The following ACBD5 variants were observed in gnomAD, a reference collection of about 807,000 sequenced individuals.
ACBD5 encodes the protein acyl-CoA binding domain containing 5.
A neutral mutation model predicts 71.8 loss-of-function variants in ACBD5; 40 were observed. The ratio of observed to expected loss-of-function variants is 0.56; its 90% confidence interval spans 0.43 to 0.72. The LOEUF (loss-of-function observed/expected upper bound fraction) is 0.72, where lower values mean the gene tolerates loss of function less well. ACBD5 is among the 30% of genes least tolerant of loss of function. The probability of loss-of-function intolerance (pLI) is 0.00; values close to 1 mark genes in which losing one functional copy is unlikely to be tolerated. For synonymous variants in ACBD5, 229 were observed against 218.6 expected (o/e 1.05, Z -0.42); for missense variants, 559 against 644.5 (o/e 0.87, Z 1.44).
At chr10:27,238,065 C>A (rs773623994) in intron 2 of ACBD5, among the ~76,000 whole-genome samples, 17 of 152,118 alleles carry the variant, frequency 1.1e-4, no homozygotes, top group Non-Finnish European at 1.8e-4. Flanking sequence ...CCTGCCTCAG[C>A]CTCCCGAGTA....
chr10:27,205,369 C>A lies in ACBD5; in HGVS notation c.1405-121G>T, dbSNP rs1014735853. Reference sequence around the variant, plus strand: ...GGTTTTTTTTGGTTGCTTTTGTTTTCTTTATGTATAGAACAGTTGGAACGT... The same window carrying A: ...GGTTTTTTTTGGTTGCTTTTGTTTTATTTATGTATAGAACAGTTGGAACGT... On this transcript the variant is annotated intron_variant, in intron 10 of 12. Transcript: ENST00000396271. The A allele has an allele frequency of 9.2e-5, 86 of 933,080 alleles. 1 individual carries two copies. The South Asian group carries it at 1.1e-3, about 12-fold the overall frequency. 57.8% of individuals were successfully genotyped at this position (933,080 alleles called of 1,614,324 possible).
At chr10:27,189,724 CCTG>C (rs1272925218) in intron 13 of ACBD5, among the ~76,000 whole-genome samples, 2 of 150,982 alleles carry the variant, frequency 1.3e-5, no homozygotes, top group Non-Finnish European at 2.9e-5. Flanking sequence ...ATGTAACAAA[CCTG>C]CACGTTGTGC....
Position 27,189,316 on chromosome 10 carries a change from C to G in ACBD5, c.1494-6601G>C, listed in dbSNP as rs368188519. Reference sequence around the variant, plus strand: ...TGCTGGGATTACAGGCGTGAGCCACCCGGCCAGCTATATACAGTTTGTATT... The same window carrying G: ...TGCTGGGATTACAGGCGTGAGCCACGCGGCCAGCTATATACAGTTTGTATT... On this transcript the variant is annotated intron_variant, in intron 13 of 13. Transcript: ENST00000676511. 5.3e-5 allele frequency among the ~76,000 whole-genome samples: 8 copies of G among 152,284 alleles called. No individual in the cohort carries two copies. In the East Asian group the frequency reaches 1.4e-3, roughly 26 times the overall value.
chr10:27,203,631 T>G (rs2060162861), intron 12 of ACBD5, among the ~76,000 whole-genome samples: 1 of 152,058 alleles, frequency 6.6e-6, no homozygotes, highest in Admixed American at 6.6e-5. Flanking sequence ...CCCAGCTACT[T>G]GGGAGGCTGA....
intron 4 of ACBD5, among the ~76,000 whole-genome samples, chr10:27,226,934 T>C (rs1160326071): frequency 1.3e-5 from 2 of 150,940 alleles, no homozygotes; most frequent in Admixed American, 6.6e-5. Context: ...GATTACTAGC[T>C]GGGATTACTA....
chr10:27,236,792 A>G (rs942302854), intron 2 of ACBD5, among the ~76,000 whole-genome samples: 1 of 151,208 alleles, frequency 6.6e-6, no homozygotes, highest in Non-Finnish European at 1.5e-5. Context: ...GGAGGCTGAG[A>G]CAGAATTGCT....
chr10:27,240,355 C>T lies in ACBD5; in HGVS notation c.145G>A (p.Ala49Thr), dbSNP rs1465093167. The T allele has an allele frequency of 3.1e-6, 5 of 1,613,964 alleles. No individual in the cohort carries two copies. In the African/African-American group the frequency reaches 6.7e-5, roughly 22 times the overall value. The change falls in exon 2 of 13, where the codon GCG becomes ACG. Residue 49 changes from alanine to threonine, a missense_variant. Transcript: ENST00000396271. The surrounding 1 kb of genome is among the most constrained non-coding windows in gnomAD (Gnocchi z 4.1). ...AAACTCTGGATCACCTTCACGGCCG[C>T]CTCAAACCTAGTCTCGTGCACGGAT... ...TRSVHETRFEAAVKVIQSLPK... is the reference protein window; with the variant it reads ...TRSVHETRFETAVKVIQSLPK...
At chr10:27,195,072 C>T (rs909753825), downstream of ACBD5, 6 of 256,370 alleles carry the variant, frequency 2.3e-5, no homozygotes, top group Non-Finnish European at 3.9e-5. Context: ...AATTTCATCC[C>T]AGTTTCTGAT....
At chr10:27,234,991 C>A in intron 3 of ACBD5, 101 bp downstream of exon 3, 1 of 1,227,824 alleles carries the variant, frequency 8.1e-7, no homozygotes, top group South Asian at 1.3e-5. Flanking sequence ...ATACCTAGGA[C>A]ACTTTCTGCA....
chr10:27,194,045 G>A (rs1019688840), downstream of ACBD5, among the ~76,000 whole-genome samples: 5 of 151,924 alleles, frequency 3.3e-5, no homozygotes, highest in African/African-American at 1.2e-4. Context: ...GAGGTTGGGA[G>A]TTCAAGACCA....
At position 27,196,479 on chromosome 10, in the gene ACBD5, G is replaced by A. The variant is rs910762866; in HGVS notation, c.*951C>T. 13 of 454,266 alleles carry A rather than the reference G, an allele frequency of 2.9e-5. No homozygotes were observed. In the Admixed American group the frequency reaches 3.1e-4, roughly 11 times the overall value. The allele number at this position is 454,266 out of a possible 1,614,324, so 28.1% of individuals were successfully genotyped here. On this transcript the variant is annotated 3_prime_UTR_variant, in exon 13 of 13. Transcript: ENST00000396271. ...TGTATCTAAAATAGTATACCCCGAAGGAAAAACTGAGGCACTAAGAGGTTA... is the reference window on the plus strand; with the variant it reads ...TGTATCTAAAATAGTATACCCCGAAAGAAAAACTGAGGCACTAAGAGGTTA...
chr10:27,222,249 T>G (rs2062445391), intron 5 of ACBD5, among the ~76,000 whole-genome samples: 1 of 152,158 alleles, frequency 6.6e-6, no homozygotes, highest in South Asian at 2.1e-4. Flanking sequence ...TATATAATTT[T>G]CTCTTAAATT....
chr10:27,203,307 T>C (rs1310042305), intron 12 of ACBD5, among the ~76,000 whole-genome samples: 1 of 152,178 alleles, frequency 6.6e-6, no homozygotes, highest in African/African-American at 2.4e-5. Flanking sequence ...TTAAGGATTT[T>C]CTTGAATCCA....
At chr10:27,216,332 G>T (rs1214263847) in intron 7 of ACBD5, among the ~76,000 whole-genome samples, 1 of 152,154 alleles carries the variant, frequency 6.6e-6, no homozygotes, top group African/African-American at 2.4e-5. Context: ...CTTGAGATGG[G>T]GTTTCACCAT....
Position 27,196,298 on chromosome 10 carries a change from A to G in ACBD5, c.*1132T>C, listed in dbSNP as rs1275253185. ...GGAAGTTTTGGAAGGCATACAGGAA[A>G]AGTCTCCAAGGATCTAAATTGTAGT... On this transcript the variant is annotated 3_prime_UTR_variant, in exon 13 of 13. Coordinates refer to ENST00000396271, the MANE Select transcript of ACBD5 (RefSeq NM_145698.5). 3 of 454,132 alleles carry G rather than the reference A, an allele frequency of 6.6e-6. No homozygotes were observed. Among genetic ancestry groups the G allele is most frequent in the South Asian group, 1.6e-5 (1 of 64,470 alleles). The allele number at this position is 454,132 out of a possible 1,614,324, so 28.1% of individuals were successfully genotyped here. A position where few individuals can be genotyped will look rare whatever the true frequency, so the allele number is the denominator to read the frequency against.
chr10:27,214,988 A>G (rs1308098193), intron 8 of ACBD5, among the ~76,000 whole-genome samples: 1 of 152,116 alleles, frequency 6.6e-6, no homozygotes, highest in Admixed American at 6.5e-5. Flanking sequence ...ACATGGTGAA[A>G]CTCTGTCTCT....
downstream of ACBD5, among the ~76,000 whole-genome samples, chr10:27,190,545 A>C (rs796605375): frequency 7.9e-5 from 12 of 152,320 alleles, no homozygotes; most frequent in African/African-American, 2.9e-4. Flanking sequence ...TATGCTCCAA[A>C]ACATCTTGAA....
chr10:27,200,543 C>A (rs760860643), intron 12 of ACBD5, among the ~76,000 whole-genome samples: 4 of 151,936 alleles, frequency 2.6e-5, no homozygotes, highest in Non-Finnish European at 5.9e-5. Flanking sequence ...CTCCTGGGTT[C>A]AAGCAATTCC....
chr10:27,219,973 G>A (rs1410259883), intron 5 of ACBD5, 116 bp from the exon 6 acceptor site: 4 of 858,782 alleles, frequency 4.7e-6, no homozygotes, highest in Non-Finnish European at 6.7e-6. Context: ...GAATTAAAAT[G>A]TTATATATAT....
Sources: allele counts gnomAD v4.1 joint callset (sites outside exome capture counted in the v4.1 genomes callset), GRCh38; gene constraint gnomAD v4.1.1; non-coding constraint Gnocchi (gnomAD v3.1); transcripts MANE v1.5; gene names NCBI Gene and HGNC (gene_info 2026-07-23, HGNC 2026-07-21).